CRPPA: variants seen among roughly 807,000 people sequenced by gnomAD.
The protein encoded by CRPPA is CDP-L-ribitol pyrophosphorylase A.
In CRPPA, 43 loss-of-function variants were observed where a neutral mutation model predicts 52.0. That is an observed-to-expected ratio of 0.83 (90% CI 0.65 to 1.07). The LOEUF is 1.07. Among genes scored for constraint, CRPPA ranks in the 50% least tolerant of loss-of-function variants. The pLI, the probability that CRPPA is intolerant of heterozygous loss-of-function variation, is 0.00. For synonymous variants in CRPPA, 250 were observed against 203.5 expected (o/e 1.23, Z -1.94); for missense variants, 629 against 551.7 (o/e 1.14, Z -1.40).
At chr7:16,306,281 A>G (rs999876891) in intron 4 of CRPPA, among the ~76,000 whole-genome samples, 5 of 152,340 alleles carry the variant, frequency 3.3e-5, no homozygotes, top group Admixed American at 6.5e-5. Flanking sequence ...AACCCACAAC[A>G]ATGTCCCTAA....
At chr7:16,224,349 T>C (rs1366701241) in intron 8 of CRPPA, among the ~76,000 whole-genome samples, 2 of 152,210 alleles carry the variant, frequency 1.3e-5, no homozygotes, top group Non-Finnish European at 2.9e-5. Context: ...TCCTGCACGA[T>C]GGTCTTTAAA....
chr7:16,400,998 C>G (rs1787802629), intron 2 of CRPPA, among the ~76,000 whole-genome samples: 1 of 152,190 alleles, frequency 6.6e-6, no homozygotes, highest in Non-Finnish European at 1.5e-5. Context: ...CCAGGTAGCT[C>G]TCCTGGACCA....
At chr7:16,191,977 G>A (rs1463236081) in intron 9 of CRPPA, among the ~76,000 whole-genome samples, 1 of 152,054 alleles carries the variant, frequency 6.6e-6, no homozygotes, top group Non-Finnish European at 1.5e-5. Context: ...CTAAAACAAT[G>A]CCTGGCATAG....
At chr7:16,338,193 A>G (rs1785735012) in intron 3 of CRPPA, among the ~76,000 whole-genome samples, 1 of 152,206 alleles carries the variant, frequency 6.6e-6, no homozygotes, top group African/African-American at 2.4e-5. Context: ...AAGCATTCAC[A>G]ATGACCAAGT....
At chr7:16,346,585 C>T (rs1173103982) in intron 3 of CRPPA, among the ~76,000 whole-genome samples, 1 of 152,026 alleles carries the variant, frequency 6.6e-6, no homozygotes, top group African/African-American at 2.4e-5. Flanking sequence ...TTGTTGACTA[C>T]TGCAGCAGGC....
At chr7:16,378,590 G>T (rs1457545363) in intron 2 of CRPPA, among the ~76,000 whole-genome samples, 5 of 151,916 alleles carry the variant, frequency 3.3e-5, no homozygotes, top group African/African-American at 4.8e-5. Context: ...TGTGTCTTTA[G>T]AGCAGCATGA....
intron 9 of CRPPA, among the ~76,000 whole-genome samples, chr7:16,127,223 A>C (rs1782598050): frequency 6.6e-6 from 1 of 152,242 alleles, no homozygotes; most frequent in East Asian, 1.9e-4. Context: ...ACAAACAAAA[A>C]CTAAATAAAG....
rs560456346 is a variant in CRPPA at position 16,147,954 on chromosome 7, C to G, written c.1252-56155G>C. ...ACTTGTAATATTTCAGATTTTTCAGCCTTAACAAATTTGATGTTGAAATAT... is the reference window on the plus strand; with the variant it reads ...ACTTGTAATATTTCAGATTTTTCAGGCTTAACAAATTTGATGTTGAAATAT... On this transcript the variant is annotated intron_variant, in intron 9 of 9. Coordinates refer to ENST00000407010, the MANE Select transcript of CRPPA (RefSeq NM_001101426.4). Among the ~76,000 whole-genome samples the G allele has an allele frequency of 2.0e-5, 3 of 152,156 alleles. 1 individual carries two copies. Among genetic ancestry groups the G allele is most frequent in the African/African-American group, 7.2e-5 (3 of 41,522 alleles).
chr7:16,421,000 G>A (rs1282670679), intron 1 of CRPPA, 66 bp downstream of exon 1: 1 of 1,236,900 alleles, frequency 8.1e-7, no homozygotes, highest in African/African-American at 1.6e-5. Context: ...CGCTAGAGCA[G>A]CGGCAGGGCG....
intron 9 of CRPPA, among the ~76,000 whole-genome samples, chr7:16,207,048 T>G (rs991774459): frequency 6.6e-6 from 1 of 152,140 alleles, no homozygotes; most frequent in South Asian, 2.1e-4. Context: ...GTGAAGAAAG[T>G]CCTTTTATAA....
intron 4 of CRPPA, among the ~76,000 whole-genome samples, chr7:16,307,277 C>T (rs865837259): frequency 9.2e-5 from 14 of 152,244 alleles, no homozygotes; most frequent in African/African-American, 3.4e-4. Context: ...ATGTCCTGTT[C>T]AATTCAACTA....
intron 9 of CRPPA, among the ~76,000 whole-genome samples, chr7:16,104,903 GA>G (rs541325740): frequency 0.053 from 5,658 of 106,742 alleles, 327 homozygotes; most frequent in African/African-American, 0.15. Context: ...CCATCTCAAA[GA>G]AAAAAAAAAA....
intron 9 of CRPPA, among the ~76,000 whole-genome samples, chr7:16,127,147 A>G (rs1425783443): frequency 6.6e-6 from 1 of 152,188 alleles, no homozygotes; most frequent in Non-Finnish European, 1.5e-5. Context: ...TAAAAACCAA[A>G]TAATATAAAC....
intron 8 of CRPPA, among the ~76,000 whole-genome samples, chr7:16,248,470 C>T (rs567282055): frequency 2.6e-4 from 39 of 152,092 alleles, no homozygotes; most frequent in Non-Finnish European, 5.0e-4. Context: ...CACAGCTGTA[C>T]TACCATTAAG....
At chr7:16,104,530 T>A (rs970906813) in intron 9 of CRPPA, among the ~76,000 whole-genome samples, 8 of 152,224 alleles carry the variant, frequency 5.3e-5, no homozygotes, top group Non-Finnish European at 1.2e-4. Context: ...ATGTTTCAAC[T>A]ATAGAGGTGG....
intron 9 of CRPPA, among the ~76,000 whole-genome samples, chr7:16,173,300 A>C (rs1583407631): frequency 6.6e-6 from 1 of 152,194 alleles, no homozygotes; most frequent in East Asian, 1.9e-4. Flanking sequence ...GGAAAAAAGT[A>C]TTCCATTGTT....
At chr7:16,351,195 C>T (rs754351871) in intron 3 of CRPPA, among the ~76,000 whole-genome samples, 3 of 151,858 alleles carry the variant, frequency 2.0e-5, no homozygotes, top group South Asian at 2.1e-4. Context: ...CTGGGAAAAC[C>T]GGCTACCCAT....
chr7:16,368,365 T>C (rs1786663596), intron 3 of CRPPA, among the ~76,000 whole-genome samples: 1 of 152,204 alleles, frequency 6.6e-6, no homozygotes, highest in South Asian at 2.1e-4. Flanking sequence ...GATGAAATAG[T>C]TTTCGTCTCC....
At chr7:16,151,060 C>A (rs1167368205) in intron 9 of CRPPA, among the ~76,000 whole-genome samples, 1 of 152,134 alleles carries the variant, frequency 6.6e-6, no homozygotes, top group Non-Finnish European at 1.5e-5. Context: ...GCCTGTTTTG[C>A]AGTCACTAAT....
Sources: gnomAD v4.1 joint callset for allele counts (sites outside exome capture counted in the v4.1 genomes callset) on GRCh38, gnomAD v4.1.1 for gene constraint, MANE v1.5 for transcripts, NCBI Gene and HGNC (gene_info 2026-07-23, HGNC 2026-07-21) for gene names.